Variants in BAZ2B observed in about 807,000 individuals in gnomAD.
BAZ2B encodes the protein bromodomain adjacent to zinc finger domain 2B.
In BAZ2B, 91 loss-of-function variants were observed where a neutral mutation model predicts 246.0. That is an observed-to-expected ratio of 0.37 (90% confidence interval 0.31 to 0.44). The LOEUF (loss-of-function observed/expected upper bound fraction) is 0.44. Ranked by LOEUF, BAZ2B falls within the 20% of genes least tolerant of loss-of-function variation. The probability of loss-of-function intolerance (pLI) is 1.00; values close to 1 mark genes in which losing one functional copy is unlikely to be tolerated. For synonymous variants in BAZ2B, 855 were observed against 860.0 expected, an observed-to-expected ratio of 0.99 and a Z score of 0.10; for missense variants, 2,332 against 2,533.7, an observed-to-expected ratio of 0.92 and a Z score of 1.71.
chr2:159,583,200 T>C (rs1033242463), intron 1 of BAZ2B, among the ~76,000 whole-genome samples: 1 of 151,754 alleles, frequency 6.6e-6, no homozygotes, highest in Non-Finnish European at 1.5e-5. Context: ...CTGCAACCTC[T>C]GCCTCCCAGG....
rs1233966196 is a variant in BAZ2B, at chr2:159,430,984, T to G, written c.2073A>C (p.Thr691=). ...SPSMSLTGHS[T]PRNLHIAKAP... ...CTTTTGCTATGTGGAGGTTACGAGGTGTTGAGTGACCTGTGAGACTCATGG... is the reference window on the plus strand; with the variant it reads ...CTTTTGCTATGTGGAGGTTACGAGGGGTTGAGTGACCTGTGAGACTCATGG... The change falls in exon 10 of 37, where the codon ACA becomes ACC. Residue 691 remains threonine (T), a synonymous_variant. Coordinates refer to ENST00000392783, the MANE Select transcript of BAZ2B (RefSeq NM_013450.4). The G allele has an allele frequency of 5.6e-6, 9 of 1,613,974 alleles. No homozygotes were observed. Among genetic ancestry groups the G allele is most frequent in the African/African-American group, 1.3e-5 (1 of 75,010 alleles).
the BAZ2B span, among the ~76,000 whole-genome samples, chr2:159,647,942 A>T: frequency 6.6e-6 from 1 of 152,192 alleles, no homozygotes; most frequent in Non-Finnish European, 1.5e-5. Flanking sequence ...AAATTTTTGC[A>T]TACTGGAACC....
chr2:159,487,125 G>T (rs944434772), intron 2 of BAZ2B, among the ~76,000 whole-genome samples: 7 of 152,104 alleles, frequency 4.6e-5, no homozygotes, highest in African/African-American at 1.7e-4. Flanking sequence ...TTGTATTAAT[G>T]ACAGTTAAGT....
rs1341049124 is a variant in BAZ2B at position 159,519,758 on chromosome 2, C to T, written c.-3+36065G>A. ...TGCGATCTCGGCTCACTGCAAGCTC[C>T]GCCTCCCGGGTTCACGCCATTCTCC... On this transcript the variant is annotated intron_variant, in intron 2 of 36. Transcript: ENST00000392783. Among the ~76,000 whole-genome samples the T allele has an allele frequency of 1.4e-5, 2 of 141,900 alleles. 1 individual carries two copies. The highest frequency in any genetic ancestry group is 5.2e-5 in the African/African-American group (2 of 38,300). The allele number at this position is 141,900 out of a possible 152,430, so 93.1% of individuals were successfully genotyped here.
At chr2:159,474,024 G>T (rs1038923619) in intron 3 of BAZ2B, among the ~76,000 whole-genome samples, 2 of 152,120 alleles carry the variant, frequency 1.3e-5, no homozygotes, top group African/African-American at 4.8e-5. Context: ...GTGCTAAGAA[G>T]ACTCTATATT....
intron 31 of BAZ2B, among the ~76,000 whole-genome samples, chr2:159,342,762 TA>T (rs1367026972): frequency 6.6e-6 from 1 of 151,580 alleles, no homozygotes; most frequent in African/African-American, 2.4e-5. Context: ...AAACACTGAT[TA>T]AAAAAAACTG....
intron 27 of BAZ2B, among the ~76,000 whole-genome samples, chr2:159,359,040 T>G (rs556207584): frequency 3.3e-5 from 5 of 152,018 alleles, no homozygotes; most frequent in African/African-American, 9.6e-5. Context: ...ACATCACAAT[T>G]AAAAGAACTG....
At chr2:159,400,981 T>C (rs183924017) in intron 16 of BAZ2B, among the ~76,000 whole-genome samples, 252 of 152,070 alleles carry the variant, frequency 1.7e-3, no homozygotes, top group African/African-American at 5.7e-3. Flanking sequence ...GAGGTGGAGC[T>C]TGCAGTCAGC....
the BAZ2B span, among the ~76,000 whole-genome samples, chr2:159,696,282 A>G: frequency 3.3e-5 from 5 of 152,178 alleles, no homozygotes; most frequent in Non-Finnish European, 7.3e-5. Context: ...TGCTTTTACT[A>G]AAGTATGGTT....
intron 2 of BAZ2B, among the ~76,000 whole-genome samples, chr2:159,483,645 G>A (rs1483763948): frequency 6.6e-6 from 1 of 152,042 alleles, no homozygotes; most frequent in Non-Finnish European, 1.5e-5. Flanking sequence ...GACCCACGCG[G>A]TAGTGGGTGC....
chr2:159,571,052 C>G (rs1683883019), intron 1 of BAZ2B, among the ~76,000 whole-genome samples: 1 of 152,034 alleles, frequency 6.6e-6, no homozygotes, highest in African/African-American at 2.4e-5. Context: ...CGAAGTTTTG[C>G]CATGTTGACC....
intron 33 of BAZ2B, among the ~76,000 whole-genome samples, chr2:159,335,613 T>C (rs1290628540): frequency 1.3e-5 from 2 of 151,700 alleles, no homozygotes; most frequent in Non-Finnish European, 2.9e-5. Context: ...TTCCAGCACA[T>C]TATGAAACTG....
rs529723728 is a variant in BAZ2B, at chr2:159,348,563, A to G, written c.5293+115T>C. ...TTGATCTGCGATTGGTTGAATCCAT[A>G]GATGTGGAACCCATGAATATGAAGG... On this transcript the variant is annotated intron_variant, in intron 30 of 36. Transcript: ENST00000392783. The G allele has an allele frequency of 1.9e-5, 23 of 1,233,462 alleles. No individual in the cohort carries two copies. In the African/African-American group the frequency reaches 2.9e-4, roughly 16 times the overall value. The allele number at this position is 1,233,462 out of a possible 1,614,324, so 76.4% of individuals were successfully genotyped here. A position where few individuals can be genotyped will look rare whatever the true frequency, so the allele number is the denominator to read the frequency against.
intron 1 of BAZ2B, among the ~76,000 whole-genome samples, chr2:159,564,158 C>T (rs2090138431): frequency 6.6e-6 from 1 of 152,090 alleles, no homozygotes; most frequent in Non-Finnish European, 1.5e-5. Context: ...GATAATTACC[C>T]TGAGAATGAA....
chr2:159,329,620 G>A (rs1335276642), intron 34 of BAZ2B, among the ~76,000 whole-genome samples: 3 of 152,120 alleles, frequency 2.0e-5, no homozygotes, highest in Non-Finnish European at 4.4e-5. Context: ...TGTATGTATA[G>A]TATAAATATT....
rs997896878 is a variant in BAZ2B at position 159,319,442 on chromosome 2, C to G, written c.*823G>C. The G allele has an allele frequency of 6.6e-6, 1 of 152,606 alleles. No homozygotes were observed. Among genetic ancestry groups the G allele is most frequent in the Admixed American group, 6.5e-5 (1 of 15,268 alleles). 9.5% of individuals were successfully genotyped at this position (152,606 alleles called of 1,614,324 possible). On this transcript the variant is annotated 3_prime_UTR_variant, in exon 37 of 37. Transcript: ENST00000392783. This position sits in a 1 kb window ranked among gnomAD's most constrained non-coding sequence, Gnocchi z 4.0. ...TGGTAGAGGATAATTACTGTACAGACTGTATAGCTATCATTACCTTCAGAC... is the reference window on the plus strand; with the variant it reads ...TGGTAGAGGATAATTACTGTACAGAGTGTATAGCTATCATTACCTTCAGAC...
intron 14 of BAZ2B, among the ~76,000 whole-genome samples, chr2:159,405,989 A>T (rs1349133589): frequency 2.0e-5 from 3 of 152,224 alleles, no homozygotes; most frequent in African/African-American, 7.2e-5. Flanking sequence ...ACTTTTAAAG[A>T]CAACCTAGTT....
chr2:159,616,991 C>T (rs566668206), upstream of BAZ2B: 11 of 151,992 alleles, frequency 7.2e-5, no homozygotes, highest in Non-Finnish European at 1.6e-4. Flanking sequence ...AAGACGGTCC[C>T]GGGGTAAAAT....
At chr2:159,661,081 C>G in the BAZ2B span, among the ~76,000 whole-genome samples, 2,013 of 152,264 alleles carry the variant, frequency 0.013, 46 homozygotes, top group African/African-American at 0.046. Flanking sequence ...TTGTAATCCT[C>G]TTTCCCTCCC....
Sources: gnomAD v4.1 joint callset for allele counts (sites outside exome capture counted in the v4.1 genomes callset) on GRCh38, gnomAD v4.1.1 for gene constraint, Gnocchi (gnomAD v3.1) non-coding constraint, MANE v1.5 for transcripts, NCBI Gene and HGNC (gene_info 2026-07-23, HGNC 2026-07-21) for gene names.